Variants in MYH14 observed in about 807,000 individuals in gnomAD.
MYH14 encodes the protein myosin-14.
Under a neutral mutation model 255.5 loss-of-function variants are expected in MYH14, and 123 were observed. The observed-to-expected ratio is 0.48, with a 90% confidence interval of 0.42 to 0.56. MYH14 has a LOEUF of 0.56. MYH14 is among the 20% of genes least tolerant of loss of function. MYH14 has a pLI of 0.00. For synonymous variants in MYH14, 1,095 were observed against 1,161.2 expected (o/e 0.94, Z 1.16); for missense variants, 2,423 against 2,802.3 (o/e 0.86, Z 3.06).
chr19:50,231,987 C>A lies in MYH14; in HGVS notation c.1031C>A (p.Ser344Tyr). 6.2e-7 allele frequency: 1 copy of A among 1,613,936 alleles called. No homozygotes were observed. Among genetic ancestry groups the A allele is most frequent in the Non-Finnish European group, 8.5e-7 (1 of 1,179,900 alleles). ...CGGTTCCTGACCAACGGGCCGTCATCCTCTCCCGGCCAGGAGCGGGAACTC... is the reference window on the plus strand; with the variant it reads ...CGGTTCCTGACCAACGGGCCGTCATACTCTCCCGGCCAGGAGCGGGAACTC... ...HYRFLTNGPS[S>Y]SPGQERELFQ... is the part of the protein sequence containing the mutation. Residue 344 changes from serine (S) to tyrosine (Y), a missense_variant, in exon 10 of 43, where the codon TCC (serine) becomes TAC (tyrosine). Ser to Tyr is a moderately radical substitution (Grantham distance 144). This residue lies in a region of MYH14 where 672 missense variants were observed against 881.8 expected (regional missense o/e 0.76). Coordinates refer to ENST00000642316, the MANE Select transcript of MYH14 (RefSeq NM_001145809.2).
chr19:50,211,954 C>T (rs2032217776), intron 2 of MYH14, among the ~76,000 whole-genome samples: 1 of 152,114 alleles, frequency 6.6e-6, no homozygotes, highest in African/African-American at 2.4e-5. Context: ...CGCTACTGTA[C>T]TCCAGCCTGG....
rs1184086560 is a variant in MYH14, at chr19:50,263,365, A to G, written c.2639A>G (p.Asn880Ser). ...QQSALRVMQR[N>S]CAAYLKLRHW... is the part of the protein sequence containing the mutation. Reference sequence around the variant, plus strand: ...AGCGCCCTGAGGGTGATGCAGCGGAACTGCGCGGCCTACCTCAAGCTGAGA... The same window carrying G: ...AGCGCCCTGAGGGTGATGCAGCGGAGCTGCGCGGCCTACCTCAAGCTGAGA... Residue 880 changes from asparagine to serine, a missense_variant, in exon 22 of 43, where the codon AAC becomes AGC. Asn to Ser is a conservative substitution (Grantham distance 46). Coordinates refer to ENST00000642316, the MANE Select transcript of MYH14 (RefSeq NM_001145809.2). 1 of 1,601,990 alleles carries G rather than the reference A, an allele frequency of 6.2e-7. No individual in the cohort carries two copies. Among genetic ancestry groups the G allele is most frequent in the Non-Finnish European group, 8.5e-7 (1 of 1,174,554 alleles).
chr19:50,290,759 T>A, intron 35 of MYH14, 128 bp from the exon 36 acceptor site: 4 of 920,718 alleles, frequency 4.3e-6, no homozygotes, highest in Non-Finnish European at 6.5e-6. Context: ...GTAAAGAGAG[T>A]CAGGGAGTGA....
rs1294755222 is a variant in MYH14 at position 50,210,586 on chromosome 19, G to A, written c.221G>A (p.Gly74Asp). The A allele has an allele frequency of 6.3e-7, 1 of 1,575,438 alleles. No homozygotes were observed. The part of the protein sequence containing the change: ...GFEAAALRDE[G>D]EEEAEVELAE... ...GAGGCGGCGGCGCTGCGGGACGAAG[G>A]CGAGGAGGAGGCGGAGGTGGAGCTG... The change falls in exon 2 of 43, where the codon GGC (glycine) becomes GAC (aspartate). Residue 74 changes from glycine to aspartate, a missense_variant. Around this residue, in one of 3 missense-constraint regions of MYH14, gnomAD observed 238 missense variants for 245.8 expected, o/e 0.97. Coordinates refer to ENST00000642316, the MANE Select transcript of MYH14 (RefSeq NM_001145809.2).
chr19:50,238,199 G>T (rs761211512), intron 10 of MYH14, among the ~76,000 whole-genome samples: 2 of 152,210 alleles, frequency 1.3e-5, no homozygotes, highest in Non-Finnish European at 2.9e-5. Flanking sequence ...GGCTGGGCTT[G>T]CTAGTGATGG....
At chr19:50,283,548 A>C (rs2123429113) in intron 33 of MYH14, among the ~76,000 whole-genome samples, 1 of 152,294 alleles carries the variant, frequency 6.6e-6, no homozygotes, top group South Asian at 2.1e-4. Context: ...GATATTCATT[A>C]ACCTTTTGAT....
intron 11 of MYH14, among the ~76,000 whole-genome samples, chr19:50,244,850 G>C (rs369573562): frequency 1.8e-4 from 28 of 151,984 alleles, no homozygotes; most frequent in South Asian, 4.2e-4. Flanking sequence ...TTCTAAAAGC[G>C]TGAGCTCTGC....
chr19:50,260,830 T>TGA, intron 20 of MYH14, 115 bp downstream of exon 20: 1 of 775,186 alleles, frequency 1.3e-6, no homozygotes, highest in Non-Finnish European at 2.2e-6. Flanking sequence ...CAAGTGTGTG[T>TGA]GCATGCACGT....
chr19:50,204,325 A>G (rs542854003), intron 1 of MYH14, among the ~76,000 whole-genome samples: 22 of 152,282 alleles, frequency 1.4e-4, no homozygotes, highest in South Asian at 2.1e-4. Context: ...TCAGTCCCAC[A>G]GGAGTCCCCT....
intron 39 of MYH14, among the ~76,000 whole-genome samples, chr19:50,301,205 G>A (rs1238347501): frequency 6.6e-6 from 1 of 152,182 alleles, no homozygotes; most frequent in Non-Finnish European, 1.5e-5. Context: ...CACCTGAGAT[G>A]CCCGTTATAA....
At chr19:50,267,045 CG>C in intron 23 of MYH14, 37 bp downstream of exon 23, 2 of 1,114,458 alleles carry the variant, frequency 1.8e-6, no homozygotes, top group Non-Finnish European at 2.3e-6. Flanking sequence ...GGCGTGTCTT[CG>C]GGGTGGGGCT....
chr19:50,238,744 G>A (rs964664519), intron 10 of MYH14, among the ~76,000 whole-genome samples: 2 of 152,064 alleles, frequency 1.3e-5, no homozygotes, highest in South Asian at 2.1e-4. Context: ...GAGCCACCAC[G>A]ACTGGCCTAG....
At chr19:50,263,264 T>TG in intron 21 of MYH14, 48 bp from the exon 22 acceptor site, 1 of 1,226,882 alleles carries the variant, frequency 8.2e-7, no homozygotes, top group African/African-American at 1.5e-5. Context: ...GCTAAGGGGA[T>TG]GGCGCCTGGA....
At position 50,259,278 on chromosome 19, in the gene MYH14, G is replaced by A. The variant is rs1442822828; in HGVS notation, c.2354+13G>A. The A allele has an allele frequency of 1.4e-5, 22 of 1,561,756 alleles. No individual in the cohort carries two copies. In the Admixed American group the frequency reaches 1.9e-4, roughly 14 times the overall value. On this transcript the variant is annotated intron_variant, in intron 19 of 42. Transcript: ENST00000642316. The stretch of plus-strand genomic sequence containing the variant: ...AGTTCCGGCAGCGGTGAGCTAGAGC[G>A]AGGGCCCAGGCCCGGCGGAGGGGCT...
chr19:50,306,005 G>A (rs891159472), intron 40 of MYH14, among the ~76,000 whole-genome samples: 10 of 152,164 alleles, frequency 6.6e-5, no homozygotes, highest in African/African-American at 2.2e-4. Flanking sequence ...TCAGCCGGGC[G>A]CAGTGGCTCA....
chr19:50,284,548 A>T (rs1424991899), intron 33 of MYH14, among the ~76,000 whole-genome samples: 8 of 146,892 alleles, frequency 5.4e-5, no homozygotes, highest in South Asian at 2.2e-4. Context: ...TTTTATTTTT[A>T]TTTTTTTTTT....
At chr19:50,277,432 C>T (rs147132895) in intron 29 of MYH14, among the ~76,000 whole-genome samples, 1,748 of 151,916 alleles carry the variant, frequency 0.012, 37 homozygotes, top group African/African-American at 0.034. Context: ...ATGGTGAAAC[C>T]CCATCTCTAC....
At chr19:50,294,468 T>C (rs964172602) in intron 39 of MYH14, among the ~76,000 whole-genome samples, 3 of 150,022 alleles carry the variant, frequency 2.0e-5, no homozygotes, top group Non-Finnish European at 1.5e-5. Context: ...GGAGTCTCCC[T>C]CTGTTGCCCA....
chr19:50,231,812 G>GC, intron 9 of MYH14, 118 bp from the exon 10 acceptor site: 1 of 1,405,098 alleles, frequency 7.1e-7, no homozygotes, highest in Non-Finnish European at 9.8e-7. Context: ...GTGAGTAAAG[G>GC]CCCCCACCCA....
Sources: allele counts gnomAD v4.1 joint callset (sites outside exome capture counted in the v4.1 genomes callset), GRCh38; gene constraint gnomAD v4.1.1; regional missense constraint gnomAD v4.1.1; transcripts MANE v1.5; gene names NCBI Gene and HGNC (gene_info 2026-07-23, HGNC 2026-07-21).